The following KIRREL3 variants were observed in gnomAD, a reference collection of about 807,000 sequenced individuals.
KIRREL3 encodes kin of IRRE-like protein 3.
KIRREL3 carries 36 observed loss-of-function variants against 89.7 expected under a neutral mutation model. The observed-to-expected ratio is 0.40, with a 90% confidence interval of 0.31 to 0.53. The LOEUF is 0.53. Among genes scored for constraint, KIRREL3 ranks in the 20% least tolerant of loss-of-function variants. KIRREL3 has a pLI of 0.49. For missense variants in KIRREL3, 864 were observed against 1,056.6 expected, an observed-to-expected ratio of 0.82 and a Z score of 2.53; for synonymous variants, 445 against 441.4, an observed-to-expected ratio of 1.01 and a Z score of -0.10.
chr11:126,606,527 A>AT lies in KIRREL3; in HGVS notation c.56-43616_56-43615insA, dbSNP rs909491478. On this transcript the variant is annotated intron_variant, in intron 1 of 16. Coordinates refer to ENST00000525144, the MANE Select transcript of KIRREL3 (RefSeq NM_032531.4). This position sits in a 1 kb window ranked among gnomAD's most constrained non-coding sequence, Gnocchi z 4.6. Reference sequence around the variant, plus strand: ...GGGAGGGAAGTCCGGGCTCTCTGGGAACTGCCTTCCACATTTCCCCACCTT... The same window carrying AT: ...GGGAGGGAAGTCCGGGCTCTCTGGGATACTGCCTTCCACATTTCCCCACCTT... 1.1e-4 allele frequency among the ~76,000 whole-genome samples: 16 copies of AT among 152,116 alleles called. No individual in the cohort carries two copies. Among genetic ancestry groups the AT allele is most frequent in the African/African-American group, 3.9e-4 (16 of 41,420 alleles).
chr11:126,775,702 T>C (rs1204722675), intron 1 of KIRREL3, among the ~76,000 whole-genome samples: 1 of 152,188 alleles, frequency 6.6e-6, no homozygotes, highest in Non-Finnish European at 1.5e-5. Flanking sequence ...CTGGGAATTA[T>C]CTTATGTATG....
rs1333376304 is a variant in KIRREL3, at chr11:126,749,934, C to T, written c.56-187022G>A. Among the ~76,000 whole-genome samples, 7 of 152,092 alleles carry T rather than the reference C, an allele frequency of 4.6e-5. No individual in the cohort carries two copies. In the South Asian group the frequency reaches 6.2e-4, roughly 14 times the overall value. On this transcript the variant is annotated intron_variant, in intron 1 of 16. Transcript: ENST00000525144. Reference sequence around the variant, plus strand: ...TCAGGGCTGTGTAGAGAAACCAGTGCGCGTTTTGATGCCACTCATTCTGGG... The same window carrying T: ...TCAGGGCTGTGTAGAGAAACCAGTGTGCGTTTTGATGCCACTCATTCTGGG...
At chr11:126,552,591 T>C (rs1250688445) in intron 2 of KIRREL3, among the ~76,000 whole-genome samples, 1 of 110,258 alleles carries the variant, frequency 9.1e-6, no homozygotes, top group Non-Finnish European at 1.8e-5. Flanking sequence ...TGAGACAGAG[T>C]TTTGCTGTTG....
rs533753810 is a variant in KIRREL3, at chr11:126,790,252, A to G, written c.55+210203T>C. ...TGCACTGGGCTTTAAGCATTCATTG[A>G]CTGATTAGACGGACTCGGTCCACAT... On this transcript the variant is annotated intron_variant, in intron 1 of 16. Transcript: ENST00000525144. Among the ~76,000 whole-genome samples the G allele has an allele frequency of 6.0e-4, 92 of 152,298 alleles. 1 individual carries two copies. The highest frequency in any genetic ancestry group is 2.9e-4 in the Non-Finnish European group (20 of 68,028).
Position 126,890,726 on chromosome 11 carries a change from G to C in KIRREL3, c.55+109729C>G, listed in dbSNP as rs1945884189. ...TCTGTAGACTCTACTGAAGCCACTA[G>C]GGTGAGTGAGAGAGTAGACGACTGC... On this transcript the variant is annotated intron_variant, in intron 1 of 16. Transcript: ENST00000525144. The surrounding 1 kb of genome is among the most constrained non-coding windows in gnomAD (Gnocchi z 5.1). Among the ~76,000 whole-genome samples, 1 of 152,208 alleles carries C rather than the reference G, an allele frequency of 6.6e-6. No individual in the cohort carries two copies. Among genetic ancestry groups the C allele is most frequent in the African/African-American group, 2.4e-5 (1 of 41,438 alleles).
At position 126,474,750 on chromosome 11, in the gene KIRREL3, T is replaced by C. The variant is rs1957018140; in HGVS notation, c.434-1284A>G. The stretch of plus-strand genomic sequence containing the variant: ...GAGCCCTGTGCTGGGGAAACTCCAC[T>C]GACATTTGCTGGCCCCACTGGGGTC... On this transcript the variant is annotated intron_variant, in intron 4 of 16. Transcript: ENST00000525144. The surrounding 1 kb of genome is among the most constrained non-coding windows in gnomAD (Gnocchi z 6.7). 6.6e-6 allele frequency among the ~76,000 whole-genome samples: 1 copy of C among 152,188 alleles called. No homozygotes were observed. Among genetic ancestry groups the C allele is most frequent in the Non-Finnish European group, 1.5e-5 (1 of 68,010 alleles).
chr11:126,717,965 T>G (rs1307357589), intron 1 of KIRREL3, among the ~76,000 whole-genome samples: 1 of 152,184 alleles, frequency 6.6e-6, no homozygotes, highest in Non-Finnish European at 1.5e-5. Flanking sequence ...ATTGCTAATA[T>G]GCTAACCTGT....
chr11:126,555,161 G>A lies in KIRREL3; in HGVS notation c.133+7674C>T, dbSNP rs544578664. On this transcript the variant is annotated intron_variant, in intron 2 of 16. Transcript: ENST00000525144. The surrounding 1 kb of genome is among the most constrained non-coding windows in gnomAD (Gnocchi z 4.2). ...GGAGCTTGGACACTGCTGTGGGGCC[G>A]CACAGAGCCTGCTTCTGCCAGAGAT... Among the ~76,000 whole-genome samples the A allele has an allele frequency of 6.6e-6, 1 of 152,262 alleles. No individual in the cohort carries two copies. The highest frequency in any genetic ancestry group is 2.4e-5 in the African/African-American group (1 of 41,558).
rs569639838 is a variant in KIRREL3, at chr11:126,489,800, G to A, written c.434-16334C>T. 7.0e-4 allele frequency among the ~76,000 whole-genome samples: 107 copies of A among 152,200 alleles called. No homozygotes were observed. The highest frequency in any genetic ancestry group is 1.3e-3 in the Non-Finnish European group (87 of 68,016). On this transcript the variant is annotated intron_variant, in intron 4 of 16. Coordinates refer to ENST00000525144, the MANE Select transcript of KIRREL3 (RefSeq NM_032531.4). This position sits in a 1 kb window ranked among gnomAD's most constrained non-coding sequence, Gnocchi z 5.5. ...CTGAGGCTTCCCTTTCAGCTTTGAT[G>A]AGCAACTCACTTGCCATGGAAAGTG...
intron 1 of KIRREL3, among the ~76,000 whole-genome samples, chr11:126,760,501 C>T (rs1024287044): frequency 6.6e-6 from 1 of 152,194 alleles, no homozygotes; most frequent in Non-Finnish European, 1.5e-5. Context: ...TGGAGAGATC[C>T]AAAGAAACAC....
At chr11:126,880,273 C>T (rs1427303049) in intron 1 of KIRREL3, among the ~76,000 whole-genome samples, 2 of 152,168 alleles carry the variant, frequency 1.3e-5, no homozygotes, top group African/African-American at 2.4e-5. Context: ...GACTCTTCGA[C>T]AACTGTTTTC....
chr11:126,930,477 GCCAGTCTGC>G lies in KIRREL3; in HGVS notation c.55+69969_55+69977del, dbSNP rs559367370. On this transcript the variant is annotated intron_variant, in intron 1 of 16. Coordinates refer to ENST00000525144, the MANE Select transcript of KIRREL3 (RefSeq NM_032531.4). Reference sequence around the variant, plus strand: ...TCACTGCCCTACTGCGGAGGTAGCTGCCAGTCTGCCCTTAACTTTCCTAAATGCTCCAGG... The same window carrying G: ...TCACTGCCCTACTGCGGAGGTAGCTGCCTTAACTTTCCTAAATGCTCCAGG... 2.7e-3 allele frequency among the ~76,000 whole-genome samples: 407 copies of G among 152,304 alleles called. 3 individuals are homozygous for G. The highest frequency in any genetic ancestry group is 9.9e-3 in the South Asian group (48 of 4,826).
chr11:126,803,384 T>C (rs1445006809), intron 1 of KIRREL3, among the ~76,000 whole-genome samples: 4 of 152,102 alleles, frequency 2.6e-5, no homozygotes, highest in Non-Finnish European at 5.9e-5. Flanking sequence ...GAGAGGTGCA[T>C]TGGAGAGGTG....
In KIRREL3 at chr11:126,703,592, A is replaced by G. The variant is rs1411949652; in HGVS notation, c.56-140680T>C. Among the ~76,000 whole-genome samples the G allele has an allele frequency of 6.6e-6, 1 of 152,194 alleles. No individual in the cohort carries two copies. Among genetic ancestry groups the G allele is most frequent in the Non-Finnish European group, 1.5e-5 (1 of 68,036 alleles). On this transcript the variant is annotated intron_variant, in intron 1 of 16. Coordinates refer to ENST00000525144, the MANE Select transcript of KIRREL3 (RefSeq NM_032531.4). The surrounding 1 kb of genome is among the most constrained non-coding windows in gnomAD (Gnocchi z 4.6). The stretch of plus-strand genomic sequence containing the variant: ...GTCAGATCGGGAGTGATGGGGCTGT[A>G]ATCCAAATGCTGGGCTGGCTGACTC...
At chr11:126,600,048 G>T (rs182556939) in intron 1 of KIRREL3, among the ~76,000 whole-genome samples, 3 of 152,314 alleles carry the variant, frequency 2.0e-5, no homozygotes, top group Admixed American at 1.3e-4. Context: ...AGACTAGTTT[G>T]CGTGTTCTGT....
intron 4 of KIRREL3, among the ~76,000 whole-genome samples, chr11:126,478,765 GTGTA>G (rs1420558206): frequency 2.0e-5 from 3 of 152,116 alleles, no homozygotes; most frequent in Admixed American, 6.6e-5. Context: ...GTATATGTGT[GTGTA>G]TATGTGTGTT....
chr11:126,929,077 G>A (rs777548114), intron 1 of KIRREL3, among the ~76,000 whole-genome samples: 1 of 152,198 alleles, frequency 6.6e-6, no homozygotes, highest in African/African-American at 2.4e-5. Context: ...CAAGGACGTC[G>A]GCAGGGAGCT....
chr11:126,425,594 A>G (rs1954909620), intron 16 of KIRREL3, 44 bp downstream of exon 16: 1 of 1,477,804 alleles, frequency 6.8e-7, no homozygotes, highest in Admixed American at 2.0e-5. Flanking sequence ...AGAGCTAAAG[A>G]CCAGATTCCA....
At chr11:126,597,536 G>A (rs1239590194) in intron 1 of KIRREL3, among the ~76,000 whole-genome samples, 1 of 152,204 alleles carries the variant, frequency 6.6e-6, no homozygotes, top group Non-Finnish European at 1.5e-5. Context: ...CAGGGAAAGA[G>A]GAAGCTGGTG....
Sources: gnomAD v4.1 joint callset for allele counts (sites outside exome capture counted in the v4.1 genomes callset) on GRCh38, gnomAD v4.1.1 for gene constraint, Gnocchi (gnomAD v3.1) non-coding constraint, MANE v1.5 for transcripts, NCBI Gene and HGNC (gene_info 2026-07-23, HGNC 2026-07-21) for gene names.